Variants in GTF3C1 observed in about 807,000 individuals in gnomAD.
GTF3C1 encodes the protein general transcription factor 3C polypeptide 1.
A neutral mutation model predicts 226.7 loss-of-function variants in GTF3C1; 57 were observed. That is an observed-to-expected ratio of 0.25 (90% CI 0.20 to 0.31). GTF3C1 has a LOEUF of 0.31. GTF3C1 is among the 10% of genes least tolerant of loss of function. The pLI is 1.00. For synonymous variants in GTF3C1, 1,090 were observed against 1,084.8 expected, an observed-to-expected ratio of 1.00 and a Z score of -0.09; for missense variants, 2,217 against 2,776.1, an observed-to-expected ratio of 0.80 and a Z score of 4.53.
At position 27,500,019 on chromosome 16, in the gene GTF3C1, GC is replaced by G. The variant is rs374673191; in HGVS notation, c.2061+1171del. 3.3e-5 allele frequency among the ~76,000 whole-genome samples: 5 copies of G among 152,084 alleles called. No individual in the cohort carries two copies. In the East Asian group the frequency reaches 9.7e-4, roughly 30 times the overall value. On this transcript the variant is annotated intron_variant, in intron 12 of 36. Coordinates refer to ENST00000356183, the MANE Select transcript of GTF3C1 (RefSeq NM_001520.4). ...GCACTTTCATTTTTGAGGTTATGTG[GC>G]CCCCCATGCTTACCCGCTGCCCCCA...
Position 27,486,150 on chromosome 16 carries a change from C to T in GTF3C1, c.3705G>A (p.Glu1235=), listed in dbSNP as rs142802329. 1,694 of 1,594,288 alleles carry T rather than the reference C, an allele frequency of 1.1e-3. 1 individual carries two copies. Among genetic ancestry groups the T allele is most frequent in the Non-Finnish European group, 1.3e-3 (1,531 of 1,163,950 alleles). The part of the protein sequence containing the change: ...GKKIKRKKKG[E]FPGEKSKRLR... Reference sequence around the variant, plus strand: ...GCCTTTTGCTTTTTTCTCCTGGGAACTCTCCTAAAAACACCAGAGGGAGAA... The same window carrying T: ...GCCTTTTGCTTTTTTCTCCTGGGAATTCTCCTAAAAACACCAGAGGGAGAA... The change falls in exon 24 of 37, where the codon GAG becomes GAA. Residue 1235 remains glutamate (E), a synonymous_variant. Transcript: ENST00000356183.
At chr16:27,465,654 C>CTGTGGCTGTCGGG in intron 32 of GTF3C1, 114 bp from the exon 33 acceptor site, 1 of 825,984 alleles carries the variant, frequency 1.2e-6, no homozygotes, top group Non-Finnish European at 1.9e-6. Context: ...ACTGCTTCCC[C>CTGTGGCTGTCGGG]GACAGCCACA....
At chr16:27,511,464 G>A (rs1483133004) in intron 7 of GTF3C1, among the ~76,000 whole-genome samples, 1 of 152,156 alleles carries the variant, frequency 6.6e-6, no homozygotes, top group Non-Finnish European at 1.5e-5. Flanking sequence ...ATATATCTAT[G>A]TTTATTTTTC....
intron 16 of GTF3C1, among the ~76,000 whole-genome samples, chr16:27,493,936 T>G (rs2088271302): frequency 6.6e-6 from 1 of 152,132 alleles, no homozygotes; most frequent in African/African-American, 2.4e-5. Context: ...TTCAGCTTTT[T>G]TTTTTAAAGG....
At chr16:27,483,502 T>G (rs1377507329) in intron 25 of GTF3C1, 3 of 462,880 alleles carry the variant, frequency 6.5e-6, no homozygotes, top group African/African-American at 6.0e-5. Context: ...TTAAGCTCTC[T>G]AATCTACTGC....
intron 16 of GTF3C1, among the ~76,000 whole-genome samples, chr16:27,494,402 T>C (rs1247429036): frequency 1.1e-5 from 1 of 94,310 alleles, no homozygotes; most frequent in South Asian, 3.3e-4. Flanking sequence ...CTCTGTCTCA[T>C]AAAAAAAAAA....
At chr16:27,525,325 G>T (rs1023648923) in intron 6 of GTF3C1, among the ~76,000 whole-genome samples, 4 of 152,082 alleles carry the variant, frequency 2.6e-5, no homozygotes, top group Non-Finnish European at 5.9e-5. Flanking sequence ...TCTACTTAAA[G>T]GCTGATGCTA....
At chr16:27,464,253 C>T (rs2087747974) in intron 34 of GTF3C1, 67 bp downstream of exon 34, 2 of 1,020,842 alleles carry the variant, frequency 2.0e-6, no homozygotes, top group South Asian at 2.5e-5. Context: ...GTGTGAGGCC[C>T]ATCAGGGCGG....
chr16:27,518,395 C>T (rs2088695037), intron 6 of GTF3C1, among the ~76,000 whole-genome samples: 1 of 152,236 alleles, frequency 6.6e-6, no homozygotes, highest in African/African-American at 2.4e-5. Flanking sequence ...TGTAATATGG[C>T]CTCTAGGCCT....
chr16:27,506,419 C>T (rs2088485974), intron 9 of GTF3C1, among the ~76,000 whole-genome samples: 1 of 152,166 alleles, frequency 6.6e-6, no homozygotes, highest in African/African-American at 2.4e-5. Context: ...GTAAGAGTCC[C>T]TCCCTAAGCT....
intron 6 of GTF3C1, among the ~76,000 whole-genome samples, chr16:27,518,358 G>A (rs1468063545): frequency 6.6e-6 from 1 of 152,252 alleles, no homozygotes; most frequent in Non-Finnish European, 1.5e-5. Flanking sequence ...GCCTCCAGCA[G>A]CCTTTGCTGG....
At chr16:27,533,121 G>A (rs1051115344) in intron 5 of GTF3C1, among the ~76,000 whole-genome samples, 170 bp downstream of exon 5, 10 of 152,182 alleles carry the variant, frequency 6.6e-5, no homozygotes, top group African/African-American at 1.9e-4. Context: ...AACAGAGCAA[G>A]ACTCTGTCTC....
chr16:27,505,617 G>A (rs996581674), intron 10 of GTF3C1, among the ~76,000 whole-genome samples: 3 of 152,214 alleles, frequency 2.0e-5, no homozygotes, highest in Non-Finnish European at 4.4e-5. Context: ...TAGGCATACA[G>A]GTTTCCCTCT....
rs1197452271 is a variant in GTF3C1 at position 27,549,140 on chromosome 16, A to G, written c.221+530T>C. Among the ~76,000 whole-genome samples the G allele has an allele frequency of 2.6e-5, 4 of 152,288 alleles. No homozygotes were observed. In the East Asian group the frequency reaches 7.7e-4, roughly 29 times the overall value. The stretch of plus-strand genomic sequence containing the variant: ...GCCACTGCACTCCAGCCTGGGCCAC[A>G]GAGAGAGACTCTATCTCAAAAAAGA... On this transcript the variant is annotated intron_variant, in intron 1 of 36. Coordinates refer to ENST00000356183, the MANE Select transcript of GTF3C1 (RefSeq NM_001520.4).
chr16:27,502,984 A>G lies in GTF3C1; in HGVS notation c.1782T>C (p.Ser594=), dbSNP rs2088429811. ...AGCTGTGCCTCCCAGTCTTCAGGGA[A>G]CTGCTACTCTCCTAGAACAGAGACC... ...VRMENPKESS[S]SLKTGRHSSG... The change falls in exon 11 of 37, where the codon AGT becomes AGC. Residue 594 remains serine (S), a synonymous_variant. Coordinates refer to ENST00000356183, the MANE Select transcript of GTF3C1 (RefSeq NM_001520.4). 28 of 1,612,780 alleles carry G rather than the reference A, an allele frequency of 1.7e-5. No individual in the cohort carries two copies. The highest frequency in any genetic ancestry group is 2.4e-5 in the Non-Finnish European group (28 of 1,178,752).
At chr16:27,519,824 A>T (rs1272664891) in intron 6 of GTF3C1, among the ~76,000 whole-genome samples, 1 of 152,160 alleles carries the variant, frequency 6.6e-6, no homozygotes, top group Admixed American at 6.5e-5. Context: ...GAAAGAAACA[A>T]GGCTGGACAT....
Position 27,469,666 on chromosome 16 carries a change from G to A in GTF3C1, c.4815-116C>T. On this transcript the variant is annotated intron_variant, in intron 31 of 36. Transcript: ENST00000356183. This position sits in a 1 kb window ranked among gnomAD's most constrained non-coding sequence, Gnocchi z 4.5. ...GGCTTCAGCAGTGGCCCCAGCAACT[G>A]GCTATGCTTCATTACCAAGGCTGGT... 8.7e-7 allele frequency: 1 copy of A among 1,145,248 alleles called. No homozygotes were observed. Among genetic ancestry groups the A allele is most frequent in the South Asian group, 1.4e-5 (1 of 69,366 alleles). 70.9% of individuals were successfully genotyped at this position (1,145,248 alleles called of 1,614,324 possible).
In GTF3C1 at chr16:27,471,826, T is replaced by C. The variant is rs1308704611; in HGVS notation, c.4448A>G (p.Asn1483Ser). 1.4e-5 allele frequency: 23 copies of C among 1,613,826 alleles called. No individual in the cohort carries two copies. Among genetic ancestry groups the C allele is most frequent in the Non-Finnish European group, 1.8e-5 (21 of 1,179,954 alleles). Residue 1483 changes from asparagine to serine, a missense_variant, in exon 30 of 37, where the codon AAC becomes AGC. Around this residue, in one of 12 missense-constraint regions of GTF3C1, gnomAD observed 546 missense variants for 663.0 expected, o/e 0.82. Coordinates refer to ENST00000356183, the MANE Select transcript of GTF3C1 (RefSeq NM_001520.4). This position sits in a 1 kb window ranked among gnomAD's most constrained non-coding sequence, Gnocchi z 5.0. ...GTTCTTCTTGGGGCCCAGCGTGTGGTTGACCCGGCGCCGGTTGACCAAGCT... is the reference window on the plus strand; with the variant it reads ...GTTCTTCTTGGGGCCCAGCGTGTGGCTGACCCGGCGCCGGTTGACCAAGCT... ...KRSLVNRRRV[N>S]HTLGPKKNRA...
chr16:27,479,659 G>T (rs896728001), intron 27 of GTF3C1, among the ~76,000 whole-genome samples: 28 of 152,132 alleles, frequency 1.8e-4, no homozygotes, highest in Admixed American at 1.8e-3. Context: ...AGAAGAGACA[G>T]GGTTTCACCA....
Sources: allele counts gnomAD v4.1 joint callset (sites outside exome capture counted in the v4.1 genomes callset), GRCh38; gene constraint gnomAD v4.1.1; regional missense constraint gnomAD v4.1.1; non-coding constraint Gnocchi (gnomAD v3.1); transcripts MANE v1.5; gene names NCBI Gene and HGNC (gene_info 2026-07-23, HGNC 2026-07-21).